The following MRPS18A variants were observed in gnomAD, a reference collection of about 807,000 sequenced individuals.
MRPS18A encodes the protein mitochondrial ribosomal protein S18A.
In MRPS18A, 20 loss-of-function variants were observed where a neutral mutation model predicts 22.7. That is an observed-to-expected ratio of 0.88 (90% confidence interval 0.62 to 1.28). The LOEUF (loss-of-function observed/expected upper bound fraction) is 1.28. Among genes scored for constraint, MRPS18A ranks in the 50% most tolerant of loss-of-function variants. MRPS18A has a pLI of 0.00. For missense variants in MRPS18A, 294 were observed against 262.6 expected (o/e 1.12, Z -0.83); for synonymous variants, 106 against 99.1 (o/e 1.07, Z -0.41).
At chr6:43,680,992 C>A (rs1388425582) in intron 2 of MRPS18A, 97 bp downstream of exon 2, 3 of 1,117,496 alleles carry the variant, frequency 2.7e-6, no homozygotes, top group Admixed American at 3.8e-5. Context: ...GATCCTGGAG[C>A]TGGGCGTCCA....
intron 1 of MRPS18A, among the ~76,000 whole-genome samples, chr6:43,684,212 A>G (rs1582413796): frequency 6.6e-6 from 1 of 152,194 alleles, no homozygotes; most frequent in African/African-American, 2.4e-5. Flanking sequence ...ACTGCTTAAT[A>G]AAAGAGGAAG....
At chr6:43,679,256 TC>T (rs1158511165) in intron 2 of MRPS18A, among the ~76,000 whole-genome samples, 1 of 152,012 alleles carries the variant, frequency 6.6e-6, no homozygotes, top group Non-Finnish European at 1.5e-5. Flanking sequence ...GTTCTAACCA[TC>T]CTCCACTGCA....
At chr6:43,676,777 C>T (rs1677126560) in intron 3 of MRPS18A, among the ~76,000 whole-genome samples, 1 of 152,258 alleles carries the variant, frequency 6.6e-6, no homozygotes, top group Non-Finnish European at 1.5e-5. Flanking sequence ...CAACTTGCTG[C>T]CCTGGCAGGC....
At position 43,675,430 on chromosome 6, in the gene MRPS18A, G is replaced by A. The variant is rs774383395; in HGVS notation, c.376+64C>T. 3 of 1,613,406 alleles carry A rather than the reference G, an allele frequency of 1.9e-6. No homozygotes were observed. The Admixed American group carries it at 5.0e-5, about 27-fold the overall frequency. ...TCTTCCAGGAGGGGCTGAAACATGG[G>A]GCAGCTGGGTGGGGAGAGAGTGCCT... On this transcript the variant is annotated intron_variant, in intron 4 of 5. Coordinates refer to ENST00000372133, the MANE Select transcript of MRPS18A (RefSeq NM_018135.4).
At chr6:43,678,714 G>C in intron 2 of MRPS18A, 89 bp from the exon 3 acceptor site, 1 of 906,422 alleles carries the variant, frequency 1.1e-6, no homozygotes, top group East Asian at 2.7e-5. Flanking sequence ...TGATGGTAAT[G>C]CTGGTGAAAG....
At chr6:43,675,352 G>A (rs771738289) in intron 4 of MRPS18A, 81 bp from the exon 5 acceptor site, 309 of 1,583,412 alleles carry the variant, frequency 2.0e-4, no homozygotes, top group Non-Finnish European at 2.4e-4. Flanking sequence ...CCAAGGGAGC[G>A]GGAAGGTTGG....
Position 43,681,080 on chromosome 6 carries a change from G to A in MRPS18A, c.144+9C>T, listed in dbSNP as rs200700098. 4 of 1,612,908 alleles carry A rather than the reference G, an allele frequency of 2.5e-6. No homozygotes were observed. The highest frequency in any genetic ancestry group is 1.1e-5 in the South Asian group (1 of 90,942). On this transcript the variant is annotated intron_variant, in intron 2 of 5. Transcript: ENST00000372133. ...AGAGGTTATACATGGCCAACTCAAC[G>A]ATACTTACTATAGTTGTCTTCCCTT... is the stretch of plus-strand genomic sequence containing the variant.
rs1218719290 is a variant in MRPS18A, at chr6:43,673,748, C to T, written c.446+1454G>A. Among the ~76,000 whole-genome samples, 1 of 152,230 alleles carries T rather than the reference C, an allele frequency of 6.6e-6. No individual in the cohort carries two copies. The highest frequency in any genetic ancestry group is 1.5e-5 in the Non-Finnish European group (1 of 68,048). Reference sequence around the variant, plus strand: ...CGCCAGGCCCCAGCGGAGCCTGGGCCCATGCATGGCAGCATTAAACGAGAC... The same window carrying T: ...CGCCAGGCCCCAGCGGAGCCTGGGCTCATGCATGGCAGCATTAAACGAGAC... On this transcript the variant is annotated intron_variant, in intron 5 of 5. Coordinates refer to ENST00000372133, the MANE Select transcript of MRPS18A (RefSeq NM_018135.4). The surrounding 1 kb of genome is among the most constrained non-coding windows in gnomAD (Gnocchi z 4.2).
Position 43,671,363 on chromosome 6 carries a change from C to A in MRPS18A, c.*399G>T. Reference sequence around the variant, plus strand: ...TTCAATTGACTCATTGGCCCCATCACAAGAGATCAGTGACTCAATGCTCAG... The same window carrying A: ...TTCAATTGACTCATTGGCCCCATCAAAAGAGATCAGTGACTCAATGCTCAG... On this transcript the variant is annotated 3_prime_UTR_variant, in exon 6 of 6. Coordinates refer to ENST00000372133, the MANE Select transcript of MRPS18A (RefSeq NM_018135.4). The A allele has an allele frequency of 2.5e-6, 1 of 401,358 alleles. No individual in the cohort carries two copies. Among genetic ancestry groups the A allele is most frequent in the Non-Finnish European group, 4.6e-6 (1 of 217,384 alleles). The allele number at this position is 401,358 out of a possible 1,614,324, so 24.9% of individuals were successfully genotyped here. A position where few individuals can be genotyped will look rare whatever the true frequency, so the allele number is the denominator to read the frequency against.
chr6:43,676,497 C>T (rs138778430), intron 3 of MRPS18A, among the ~76,000 whole-genome samples: 141 of 152,304 alleles, frequency 9.3e-4, no homozygotes, highest in African/African-American at 3.2e-3. Flanking sequence ...ATTCTTGGGC[C>T]TCCTTCGGAC....
At position 43,679,213 on chromosome 6, in the gene MRPS18A, G is replaced by T. The variant is rs570298535; in HGVS notation, c.145-588C>A. On this transcript the variant is annotated intron_variant, in intron 2 of 5. Coordinates refer to ENST00000372133, the MANE Select transcript of MRPS18A (RefSeq NM_018135.4). ...GGAGACATTTTTAATTGTCACGACT[G>T]GGGGAGGGAGTGCTACTGCATCTAG... Among the ~76,000 whole-genome samples, 31 of 152,290 alleles carry T rather than the reference G, an allele frequency of 2.0e-4. 1 individual carries two copies. In the East Asian group the frequency reaches 2.7e-3, roughly 13 times the overall value.
intron 1 of MRPS18A, 147 bp from the exon 2 acceptor site, chr6:43,681,267 A>AG: frequency 1.1e-6 from 1 of 872,138 alleles, no homozygotes; most frequent in Non-Finnish European, 1.8e-6. Context: ...GAAAGCATGC[A>AG]GGGTTCACCC....
intron 1 of MRPS18A, among the ~76,000 whole-genome samples, chr6:43,686,799 G>C (rs833048): frequency 0.26 from 38,909 of 152,152 alleles, 6,246 homozygotes; most frequent in Non-Finnish European, 0.34. Flanking sequence ...CACAAAGGAA[G>C]GCTATGTCCT....
At position 43,671,573 on chromosome 6, in the gene MRPS18A, T is replaced by A. The variant is rs1234533326; in HGVS notation, c.*189A>T. On this transcript the variant is annotated 3_prime_UTR_variant, in exon 6 of 6. Transcript: ENST00000372133. The stretch of plus-strand genomic sequence containing the variant: ...CCCAACTGCCCTGCCTGCCTCTAGC[T>A]CCCAGCATTGCTACTGTGCAGGCCA... 1 of 658,798 alleles carries A rather than the reference T, an allele frequency of 1.5e-6. No homozygotes were observed. Among genetic ancestry groups the A allele is most frequent in the Non-Finnish European group, 2.6e-6 (1 of 388,644 alleles). The allele number at this position is 658,798 out of a possible 1,614,324, so 40.8% of individuals were successfully genotyped here.
intron 1 of MRPS18A, among the ~76,000 whole-genome samples, chr6:43,684,604 T>C (rs1234066337): frequency 6.6e-6 from 1 of 152,162 alleles, no homozygotes; most frequent in South Asian, 2.1e-4. Context: ...CACAAAAATT[T>C]CTTCCCACTA....
At chr6:43,678,392 G>A in intron 3 of MRPS18A, 126 bp downstream of exon 3, 1 of 706,596 alleles carries the variant, frequency 1.4e-6, no homozygotes, top group Non-Finnish European at 2.5e-6. Context: ...TGGACAAAAT[G>A]CTCCCATCTC....
At chr6:43,678,479 A>G (rs372887527) in intron 3 of MRPS18A, 39 bp downstream of exon 3, 99 of 1,469,024 alleles carry the variant, frequency 6.7e-5, no homozygotes, top group Non-Finnish European at 9.2e-5. Context: ...TGAGAACTTC[A>G]TGACACACAG....
At chr6:43,687,028 CA>C (rs1361458533) in intron 1 of MRPS18A, among the ~76,000 whole-genome samples, 1 of 152,180 alleles carries the variant, frequency 6.6e-6, no homozygotes, top group Non-Finnish European at 1.5e-5. Context: ...TTTCTGTCTC[CA>C]GAATTCCTTC....
chr6:43,678,295 C>T (rs1006970815), intron 3 of MRPS18A, among the ~76,000 whole-genome samples: 6 of 152,140 alleles, frequency 3.9e-5, no homozygotes, highest in African/African-American at 1.4e-4. Flanking sequence ...TATGAAGTGG[C>T]TTGGGAGGAC....
Sources: gnomAD v4.1 joint callset for allele counts (sites outside exome capture counted in the v4.1 genomes callset) on GRCh38, gnomAD v4.1.1 for gene constraint, Gnocchi (gnomAD v3.1) non-coding constraint, MANE v1.5 for transcripts, NCBI Gene and HGNC (gene_info 2026-07-23, HGNC 2026-07-21) for gene names.